The following GALNTL6 variants were observed in gnomAD, a reference collection of about 807,000 sequenced individuals.
GALNTL6 encodes polypeptide N-acetylgalactosaminyltransferase like 6.
A neutral mutation model predicts 73.7 loss-of-function variants in GALNTL6; 46 were observed. The ratio of observed to expected loss-of-function variants is 0.62; its 90% CI spans 0.49 to 0.80. GALNTL6 has a LOEUF of 0.80. Among genes scored for constraint, GALNTL6 ranks in the 30% least tolerant of loss-of-function variants. The pLI, the probability that GALNTL6 is intolerant of heterozygous loss-of-function variation, is 0.00. For missense variants in GALNTL6, 604 were observed against 755.0 expected, an observed-to-expected ratio of 0.80 and a Z score of 2.34; for synonymous variants, 259 against 263.7, an observed-to-expected ratio of 0.98 and a Z score of 0.17.
intron 12 of GALNTL6, among the ~76,000 whole-genome samples, chr4:173,026,857 G>A (rs1157401715): frequency 1.3e-5 from 2 of 152,014 alleles, no homozygotes; most frequent in Non-Finnish European, 2.9e-5. Context: ...TTTATGATTC[G>A]TGGGTTTTGT....
chr4:172,341,223 G>A lies in GALNTL6; in HGVS notation c.387-7300G>A, dbSNP rs541573582. 2.1e-3 allele frequency among the ~76,000 whole-genome samples: 325 copies of A among 151,770 alleles called. 2 individuals are homozygous for A. The highest frequency in any genetic ancestry group is 7.5e-3 in the African/African-American group (311 of 41,350). On this transcript the variant is annotated intron_variant, in intron 4 of 12. Transcript: ENST00000506823. ...TCCCAGCACTTTGGGAGGCCGAGGC[G>A]GGCGGATCACGAGGTCAGGAGATCG...
At chr4:172,984,194 G>A (rs527726829) in intron 10 of GALNTL6, among the ~76,000 whole-genome samples, 1 of 152,290 alleles carries the variant, frequency 6.6e-6, no homozygotes, top group East Asian at 1.9e-4. Context: ...TGCTAATACA[G>A]ACATACTAGA....
intron 2 of GALNTL6, among the ~76,000 whole-genome samples, chr4:172,092,916 C>A (rs1287070171): frequency 1.3e-5 from 2 of 148,584 alleles, no homozygotes. Flanking sequence ...GCTCTGTCAC[C>A]ACGCTACAGT....
chr4:171,895,579 ATTACTCATG>A (rs1398948496), intron 2 of GALNTL6, among the ~76,000 whole-genome samples: 1 of 152,182 alleles, frequency 6.6e-6, no homozygotes, highest in Non-Finnish European at 1.5e-5. Context: ...CTAACTGAAA[ATTACTCATG>A]GAAGAAGAGA....
At chr4:172,081,548 T>A (rs1046965854) in intron 2 of GALNTL6, among the ~76,000 whole-genome samples, 1 of 152,144 alleles carries the variant, frequency 6.6e-6, no homozygotes, top group Non-Finnish European at 1.5e-5. Context: ...TGAGGCAGGA[T>A]AATCACTTGA....
chr4:171,849,856 A>T (rs2110858506), intron 2 of GALNTL6, among the ~76,000 whole-genome samples: 1 of 152,358 alleles, frequency 6.6e-6, no homozygotes, highest in East Asian at 1.9e-4. Context: ...TTGGCTAACC[A>T]TACAAATTTA....
intron 5 of GALNTL6, among the ~76,000 whole-genome samples, chr4:172,399,707 G>A (rs1441601654): frequency 6.6e-6 from 1 of 152,010 alleles, no homozygotes; most frequent in African/African-American, 2.4e-5. Context: ...TTGTTATCCT[G>A]CTTTACGTAC....
chr4:172,809,205 T>G lies in GALNTL6; in HGVS notation c.554-156T>G, dbSNP rs1019220652. Among the ~76,000 whole-genome samples the G allele has an allele frequency of 6.6e-6, 1 of 152,188 alleles. No homozygotes were observed. Among genetic ancestry groups the G allele is most frequent in the Non-Finnish European group, 1.5e-5 (1 of 68,026 alleles). ...AAAGCATTCTGGAAAGTGTAAAATCTAAAAATCTTACTAGTATCTCCCATC... is the reference window on the plus strand; with the variant it reads ...AAAGCATTCTGGAAAGTGTAAAATCGAAAAATCTTACTAGTATCTCCCATC... On this transcript the variant is annotated intron_variant, in intron 5 of 12. Coordinates refer to ENST00000506823, the MANE Select transcript of GALNTL6 (RefSeq NM_001034845.3). The surrounding 1 kb of genome is among the most constrained non-coding windows in gnomAD (Gnocchi z 4.4).
rs552225051 is a variant in GALNTL6 at position 172,061,655 on chromosome 4, A to T, written c.139-168001A>T. On this transcript the variant is annotated intron_variant, in intron 2 of 12. Transcript: ENST00000506823. ...CTAGAATTTAATTTTTCTCTTAATTAACCTTTGGGCTTTTTTTTCTGTTAC... is the reference window on the plus strand; with the variant it reads ...CTAGAATTTAATTTTTCTCTTAATTTACCTTTGGGCTTTTTTTTCTGTTAC... 2.2e-4 allele frequency among the ~76,000 whole-genome samples: 33 copies of T among 152,142 alleles called. 1 individual carries two copies. The highest frequency in any genetic ancestry group is 1.0e-3 in the South Asian group (5 of 4,826).
intron 5 of GALNTL6, among the ~76,000 whole-genome samples, chr4:172,658,670 T>C (rs1225877662): frequency 2.6e-5 from 4 of 152,016 alleles, no homozygotes; most frequent in Non-Finnish European, 5.9e-5. Context: ...GGGTGTTGAA[T>C]CAAAATGCAT....
chr4:171,814,205 C>A (rs1255700346), intron 1 of GALNTL6, among the ~76,000 whole-genome samples: 3 of 152,114 alleles, frequency 2.0e-5, no homozygotes, highest in Non-Finnish European at 4.4e-5. Flanking sequence ...ACAAAAACTC[C>A]CAGTTACCTA....
At chr4:172,907,803 A>G (rs2111255548) in intron 8 of GALNTL6, among the ~76,000 whole-genome samples, 1 of 152,272 alleles carries the variant, frequency 6.6e-6, no homozygotes, top group African/African-American at 2.4e-5. Flanking sequence ...CCTCCTGCAC[A>G]ATTTCATGGG....
chr4:171,976,837 G>A (rs1005227298), intron 2 of GALNTL6, among the ~76,000 whole-genome samples: 1 of 152,090 alleles, frequency 6.6e-6, no homozygotes, highest in Non-Finnish European at 1.5e-5. Context: ...AAGATTCTCA[G>A]GAACAAAAAT....
intron 2 of GALNTL6, among the ~76,000 whole-genome samples, chr4:172,170,707 C>T (rs1377051117): frequency 6.6e-6 from 1 of 151,952 alleles, no homozygotes; most frequent in East Asian, 1.9e-4. Context: ...GAGGGGCTTG[C>T]ACCATGTTGG....
chr4:172,721,999 T>TTC (rs1553979215), intron 5 of GALNTL6, among the ~76,000 whole-genome samples: 258 of 149,138 alleles, frequency 1.7e-3, no homozygotes, highest in African/African-American at 4.0e-3. Context: ...TTTTTTTTTT[T>TTC]CCCAAAATCG....
rs939002778 is a variant in GALNTL6 at position 172,766,766 on chromosome 4, C to A, written c.554-42595C>A. Among the ~76,000 whole-genome samples, 4 of 152,152 alleles carry A rather than the reference C, an allele frequency of 2.6e-5. No homozygotes were observed. In the South Asian group the frequency reaches 8.3e-4, roughly 32 times the overall value. ...CAAGGAAAGGATAAATGCTTTTCAT[C>A]CAAGGATCAGGTTACAGCTCACAGA... On this transcript the variant is annotated intron_variant, in intron 5 of 12. Transcript: ENST00000506823.
chr4:172,525,002 T>A (rs925561697), intron 5 of GALNTL6, among the ~76,000 whole-genome samples: 1 of 152,236 alleles, frequency 6.6e-6, no homozygotes, highest in African/African-American at 2.4e-5. Flanking sequence ...TTTTTTAGTA[T>A]GGATATATAA....
intron 5 of GALNTL6, among the ~76,000 whole-genome samples, chr4:172,479,513 A>G (rs1733365526): frequency 6.6e-6 from 1 of 152,216 alleles, no homozygotes; most frequent in Non-Finnish European, 1.5e-5. Context: ...GGGCACACAA[A>G]GGTATACACA....
intron 5 of GALNTL6, among the ~76,000 whole-genome samples, chr4:172,513,340 T>C (rs1579141114): frequency 6.6e-6 from 1 of 152,294 alleles, no homozygotes; most frequent in Non-Finnish European, 1.5e-5. Flanking sequence ...ATTTTAAAAT[T>C]TCTTTATGTT....
Sources: allele counts gnomAD v4.1 joint callset (sites outside exome capture counted in the v4.1 genomes callset), GRCh38; gene constraint gnomAD v4.1.1; non-coding constraint Gnocchi (gnomAD v3.1); transcripts MANE v1.5; gene names NCBI Gene and HGNC (gene_info 2026-07-23, HGNC 2026-07-21).